RORA: variants seen among roughly 807,000 people sequenced by gnomAD.
RORA encodes RAR related orphan receptor A.
Under a neutral mutation model 69.5 loss-of-function variants are expected in RORA, and 7 were observed. The ratio of observed to expected loss-of-function variants is 0.10; its 90% confidence interval spans 0.06 to 0.19. RORA has a LOEUF of 0.19. RORA is among the 10% of genes least tolerant of loss of function. RORA has a pLI of 1.00. For synonymous variants in RORA, 261 were observed against 240.8 expected (o/e 1.08, Z -0.78); for missense variants, 457 against 663.0 (o/e 0.69, Z 3.41).
At chr15:60,697,301 T>A (rs1439394491) in intron 1 of RORA, among the ~76,000 whole-genome samples, 1 of 152,160 alleles carries the variant, frequency 6.6e-6, no homozygotes. Context: ...GGAATAAACA[T>A]CTAGAGCAAA....
intron 1 of RORA, among the ~76,000 whole-genome samples, chr15:61,137,019 AAAAG>A (rs551072168): frequency 0.069 from 4,220 of 60,998 alleles, 68 homozygotes; most frequent in African/African-American, 0.071. Flanking sequence ...AAATAAATAA[AAAAG>A]AAAGAAAGAA....
intron 1 of RORA, among the ~76,000 whole-genome samples, chr15:61,082,415 G>A (rs1344747903): frequency 6.6e-6 from 1 of 152,278 alleles, no homozygotes; most frequent in East Asian, 1.9e-4. Context: ...CTTGAACCTG[G>A]GAGTTGGAGA....
rs545694982 is a variant in RORA at position 60,974,109 on chromosome 15, A to G, written c.166+254944T>C. ...GCAGATGAAGAAGACTAATTTAAAG[A>G]AAGTCTGCAGACAACAGAGGAGGAG... On this transcript the variant is annotated intron_variant, in intron 1 of 10. Coordinates refer to ENST00000335670, the MANE Select transcript of RORA (RefSeq NM_134261.3). Among the ~76,000 whole-genome samples, 49 of 152,340 alleles carry G rather than the reference A, an allele frequency of 3.2e-4. No individual in the cohort carries two copies. The South Asian group carries it at 1.0e-2, about 31-fold the overall frequency.
Position 60,504,371 on chromosome 15 carries a change from A to G in RORA, c.943-704T>C, listed in dbSNP as rs569485588. On this transcript the variant is annotated intron_variant, in intron 6 of 10. Coordinates refer to ENST00000335670, the MANE Select transcript of RORA (RefSeq NM_134261.3). ...AGACCAGCCTGGCTAACATGGTGAA[A>G]CCCTGTTCCTACCAAAAATACAAAA... Among the ~76,000 whole-genome samples the G allele has an allele frequency of 3.9e-5, 6 of 151,966 alleles. No homozygotes were observed. The East Asian group carries it at 1.2e-3, about 30-fold the overall frequency.
At chr15:60,846,863 TATGCA>T (rs915686511) in intron 1 of RORA, among the ~76,000 whole-genome samples, 4 of 152,380 alleles carry the variant, frequency 2.6e-5, no homozygotes, top group African/African-American at 7.2e-5. Flanking sequence ...TACTAGACTT[TATGCA>T]AAACCACCAT....
At chr15:60,605,833 C>T (rs987274900) in intron 2 of RORA, among the ~76,000 whole-genome samples, 2 of 152,140 alleles carry the variant, frequency 1.3e-5, no homozygotes, top group Admixed American at 6.5e-5. Flanking sequence ...ACATATAAAT[C>T]GTCATTAGGA....
chr15:60,850,211 T>C (rs999126325), intron 1 of RORA, among the ~76,000 whole-genome samples: 4 of 152,144 alleles, frequency 2.6e-5, no homozygotes, highest in Non-Finnish European at 4.4e-5. Context: ...AGGGTCGAAA[T>C]AACATGCAGC....
At chr15:60,883,499 C>T (rs2073715402) in intron 1 of RORA, among the ~76,000 whole-genome samples, 1 of 151,122 alleles carries the variant, frequency 6.6e-6, no homozygotes, top group Non-Finnish European at 1.5e-5. Flanking sequence ...TTGATCTCCC[C>T]ATTAAACTGA....
At chr15:61,139,204 C>CATATTTTT (rs980037872) in intron 1 of RORA, among the ~76,000 whole-genome samples, 1 of 151,956 alleles carries the variant, frequency 6.6e-6, no homozygotes, top group Non-Finnish European at 1.5e-5. Context: ...ATCTTTAATG[C>CATATTTTT]TAATATGCAC....
At chr15:60,616,329 C>T (rs182003535) in intron 2 of RORA, among the ~76,000 whole-genome samples, 7 of 152,274 alleles carry the variant, frequency 4.6e-5, no homozygotes, top group East Asian at 1.9e-4. Flanking sequence ...CTAATGCCAG[C>T]GCATGCGTCT....
intron 1 of RORA, among the ~76,000 whole-genome samples, chr15:60,882,636 TAC>T (rs67057464): frequency 0.15 from 21,637 of 147,322 alleles, 1,730 homozygotes; most frequent in East Asian, 0.3. Context: ...GGAGCTTAAC[TAC>T]ACACACACAC....
chr15:61,031,774 T>G (rs1896182593), intron 1 of RORA, among the ~76,000 whole-genome samples: 1 of 152,204 alleles, frequency 6.6e-6, no homozygotes, highest in South Asian at 2.1e-4. Context: ...AATCTGCTAT[T>G]ACTTGTTCCA....
chr15:61,202,411 A>G (rs908880633), intron 1 of RORA, among the ~76,000 whole-genome samples: 2 of 152,140 alleles, frequency 1.3e-5, no homozygotes, highest in African/African-American at 2.4e-5. Flanking sequence ...CTGGGCCTCA[A>G]TAACCTTTTA....
chr15:61,052,442 G>A (rs553143960), intron 1 of RORA, among the ~76,000 whole-genome samples: 5 of 152,342 alleles, frequency 3.3e-5, no homozygotes, highest in East Asian at 3.9e-4. Context: ...CTGCTTTCGC[G>A]TAGTGGTTCT....
At chr15:61,119,416 AT>A (rs2079082055) in intron 1 of RORA, among the ~76,000 whole-genome samples, 49 of 147,964 alleles carry the variant, frequency 3.3e-4, no homozygotes, top group Middle Eastern at 3.6e-3. Context: ...TACACACACT[AT>A]ATATATATAT....
At chr15:61,016,019 G>T (rs199942078) in intron 1 of RORA, among the ~76,000 whole-genome samples, 1 of 152,172 alleles carries the variant, frequency 6.6e-6, no homozygotes, top group Non-Finnish European at 1.5e-5. Context: ...ATGACTGCAG[G>T]AACTAGCAGT....
chr15:60,722,040 T>C (rs933040832), intron 1 of RORA, among the ~76,000 whole-genome samples: 1 of 152,276 alleles, frequency 6.6e-6, no homozygotes, highest in African/African-American at 2.4e-5. Flanking sequence ...AGAGTCTAAA[T>C]GATCACAATT....
intron 2 of RORA, among the ~76,000 whole-genome samples, chr15:60,552,412 C>T (rs1365323500): frequency 6.6e-6 from 1 of 152,168 alleles, no homozygotes; most frequent in Non-Finnish European, 1.5e-5. Context: ...TCTACAAAGC[C>T]TTTATCAGTC....
intron 1 of RORA, among the ~76,000 whole-genome samples, chr15:60,802,277 C>T (rs1406787743): frequency 6.6e-6 from 1 of 152,260 alleles, no homozygotes; most frequent in African/African-American, 2.4e-5. Context: ...ATTCCCAACT[C>T]ATGGGTTAAT....
Sources: gnomAD v4.1 joint callset for allele counts (sites outside exome capture counted in the v4.1 genomes callset) on GRCh38, gnomAD v4.1.1 for gene constraint, MANE v1.5 for transcripts, NCBI Gene and HGNC (gene_info 2026-07-23, HGNC 2026-07-21) for gene names.